AGPAT5: variants seen among roughly 807,000 people sequenced by gnomAD.
The protein encoded by AGPAT5 is 1-acyl-sn-glycerol-3-phosphate acyltransferase epsilon.
AGPAT5 carries 46 observed loss-of-function variants against 45.6 expected under a neutral mutation model. The ratio of observed to expected loss-of-function variants is 1.01; its 90% CI spans 0.80 to 1.29. AGPAT5 has a LOEUF of 1.29. Among genes scored for constraint, AGPAT5 ranks in the 50% most tolerant of loss-of-function variants. The pLI is 0.00. For synonymous variants in AGPAT5, 272 were observed against 167.0 expected (o/e 1.63, Z -4.85); for missense variants, 673 against 450.7 (o/e 1.49, Z -4.47).
At chr8:6,745,610 C>T (rs1369738460) in intron 5 of AGPAT5, 1 of 152,030 alleles carries the variant, frequency 6.6e-6, no homozygotes, top group East Asian at 1.9e-4. Context: ...AGATAAATAT[C>T]ACCTCCTCTT....
Position 6,730,315 on chromosome 8 carries a change from G to T in AGPAT5, c.290-396G>T, listed in dbSNP as rs1587023603. On this transcript the variant is annotated intron_variant, in intron 2 of 7. Transcript: ENST00000285518. Reference sequence around the variant, plus strand: ...AGAAATTTTAAACATCCTAATCATAGGACTTTTTTTTTTTTTTTTTTTTTT... The same window carrying T: ...AGAAATTTTAAACATCCTAATCATATGACTTTTTTTTTTTTTTTTTTTTTT... Among the ~76,000 whole-genome samples, 6 of 46,680 alleles carry T rather than the reference G, an allele frequency of 1.3e-4. 2 individuals carry two copies. The highest frequency in any genetic ancestry group is 2.0e-4 in the Non-Finnish European group (6 of 30,760). 30.6% of individuals were successfully genotyped at this position (46,680 alleles called of 152,430 possible).
intron 5 of AGPAT5, chr8:6,746,019 C>G (rs1262609799): frequency 6.6e-6 from 1 of 151,138 alleles, no homozygotes; most frequent in Admixed American, 6.6e-5. Flanking sequence ...TTCTTCCTTC[C>G]CTCACTCGTT....
At position 6,724,869 on chromosome 8, in the gene AGPAT5, G is replaced by T; in HGVS notation, c.220-1G>T. On this transcript the variant is annotated splice_acceptor_variant, in intron 1 of 7. Coordinates refer to ENST00000285518, the MANE Select transcript of AGPAT5 (RefSeq NM_018361.5). LOFTEE classifies it high-confidence loss of function. ...TAATGTTTTTTTGTTTTATCTTTTA[G>T]ATATTGCTATATGGAGATTTGCCAA... 1 of 962,444 alleles carries T rather than the reference G, an allele frequency of 1.0e-6. No individual in the cohort carries two copies. Among genetic ancestry groups the T allele is most frequent in the South Asian group, 2.9e-5 (1 of 34,274 alleles). The allele number at this position is 962,444 out of a possible 1,614,324, so 59.6% of individuals were successfully genotyped here.
At position 6,760,762 on chromosome 8, in the gene AGPAT5, C is replaced by T. The variant is rs1028633720; in HGVS notation, c.*3374C>T. 2.0e-5 allele frequency among the ~76,000 whole-genome samples: 3 copies of T among 152,098 alleles called. No individual in the cohort carries two copies. Among genetic ancestry groups the T allele is most frequent in the East Asian group, 1.9e-4 (1 of 5,198 alleles). ...TTTTTGATTAAAGAACTTGAAATTA[C>T]GTTATCACTTAGTATAATTGACATT... is the stretch of plus-strand genomic sequence containing the variant. On this transcript the variant is annotated 3_prime_UTR_variant, in exon 8 of 8. Transcript: ENST00000285518.
At chr8:6,750,462 C>A (rs1801622325) in intron 6 of AGPAT5, among the ~76,000 whole-genome samples, 1 of 152,200 alleles carries the variant, frequency 6.6e-6, no homozygotes, top group African/African-American at 2.4e-5. Flanking sequence ...AAAATCTTAT[C>A]ACTTCAGTCA....
In AGPAT5 at chr8:6,758,746, C is replaced by G. The variant is rs1241297170; in HGVS notation, c.*1358C>G. ...ATTTTTAGCCATGGAACAATATATCCCATGGGAGAAGACCTTTCAGTGTGA... is the reference window on the plus strand; with the variant it reads ...ATTTTTAGCCATGGAACAATATATCGCATGGGAGAAGACCTTTCAGTGTGA... On this transcript the variant is annotated 3_prime_UTR_variant, in exon 8 of 8. Transcript: ENST00000285518. 6.6e-6 allele frequency: 1 copy of G among 152,602 alleles called. No individual in the cohort carries two copies. Among genetic ancestry groups the G allele is most frequent in the Non-Finnish European group, 1.5e-5 (1 of 68,040 alleles). 9.5% of individuals were successfully genotyped at this position (152,602 alleles called of 1,614,324 possible).
chr8:6,760,060 A>G lies in AGPAT5; in HGVS notation c.*2672A>G, dbSNP rs1801980576. Among the ~76,000 whole-genome samples, 1 of 152,118 alleles carries G rather than the reference A, an allele frequency of 6.6e-6. No homozygotes were observed. The highest frequency in any genetic ancestry group is 2.1e-4 in the South Asian group (1 of 4,818). On this transcript the variant is annotated 3_prime_UTR_variant, in exon 8 of 8. Coordinates refer to ENST00000285518, the MANE Select transcript of AGPAT5 (RefSeq NM_018361.5). ...ATTTTTAAAATTTAGAGTGGCAACA[A>G]TTTTGCTTAATATGGGTTACATAAG...
Position 6,732,767 on chromosome 8 carries a change from C to T in AGPAT5, c.495+117C>T, listed in dbSNP as rs887919045. 42 of 925,970 alleles carry T rather than the reference C, an allele frequency of 4.5e-5. No homozygotes were observed. The African/African-American group carries it at 6.3e-4, about 14-fold the overall frequency. The allele number at this position is 925,970 out of a possible 1,614,324, so 57.4% of individuals were successfully genotyped here. On this transcript the variant is annotated intron_variant, in intron 4 of 7. Transcript: ENST00000285518. ...ATTTTCCCATGTGTAATTACTAATT[C>T]AGGGTTATGCTGAGGTAACAGAAAC...
rs147030696 is a variant in AGPAT5 at position 6,760,651 on chromosome 8, G to A, written c.*3263G>A. Among the ~76,000 whole-genome samples the A allele has an allele frequency of 2.2e-4, 33 of 152,294 alleles. No homozygotes were observed. The highest frequency in any genetic ancestry group is 7.7e-4 in the African/African-American group (32 of 41,562). On this transcript the variant is annotated 3_prime_UTR_variant, in exon 8 of 8. Coordinates refer to ENST00000285518, the MANE Select transcript of AGPAT5 (RefSeq NM_018361.5). Reference sequence around the variant, plus strand: ...ATCTGGTGGAAAGCTACAATGCAATGTCGTTGTAGTTTTGCATGGCTTGCT... The same window carrying A: ...ATCTGGTGGAAAGCTACAATGCAATATCGTTGTAGTTTTGCATGGCTTGCT...
chr8:6,756,023 G>C (rs982191490), intron 7 of AGPAT5, among the ~76,000 whole-genome samples: 20 of 152,152 alleles, frequency 1.3e-4, no homozygotes, highest in African/African-American at 4.8e-4. Flanking sequence ...TATTTTATAA[G>C]TATTTAGAAT....
intron 2 of AGPAT5, among the ~76,000 whole-genome samples, chr8:6,727,259 T>A (rs1217014954): frequency 6.6e-6 from 1 of 152,224 alleles, no homozygotes; most frequent in African/African-American, 2.4e-5. Flanking sequence ...TTGTTTTCGC[T>A]TGACACATCC....
intron 4 of AGPAT5, among the ~76,000 whole-genome samples, chr8:6,735,111 GCTGTAAGT>G (rs1426061288): frequency 6.6e-6 from 1 of 152,084 alleles, no homozygotes; most frequent in Non-Finnish European, 1.5e-5. Context: ...CTTGCTTCTG[GCTGTAAGT>G]CTGTGCCCAG....
chr8:6,752,341 A>C (rs550734144), intron 6 of AGPAT5, among the ~76,000 whole-genome samples: 2 of 152,124 alleles, frequency 1.3e-5, no homozygotes, highest in African/African-American at 4.8e-5. Flanking sequence ...TATGTTGGAG[A>C]GAGTATGTGC....
chr8:6,713,855 C>A (rs775803185), intron 1 of AGPAT5, among the ~76,000 whole-genome samples: 2 of 152,182 alleles, frequency 1.3e-5, no homozygotes, highest in African/African-American at 2.4e-5. Context: ...TTAACTGAAA[C>A]ATTGTTCCAA....
Position 6,731,382 on chromosome 8 carries a change from C to T in AGPAT5, c.405+556C>T, listed in dbSNP as rs1325791952. Among the ~76,000 whole-genome samples, 5 of 152,120 alleles carry T rather than the reference C, an allele frequency of 3.3e-5. No individual in the cohort carries two copies. The East Asian group carries it at 9.6e-4, about 29-fold the overall frequency. ...ATACCAAAATCTAAGGTGTTCAAGA[C>T]CCTCATATAGAATGGGATAGTATTT... is the stretch of plus-strand genomic sequence containing the variant. On this transcript the variant is annotated intron_variant, in intron 3 of 7. Coordinates refer to ENST00000285518, the MANE Select transcript of AGPAT5 (RefSeq NM_018361.5).
At chr8:6,723,631 A>C (rs972561587) in intron 1 of AGPAT5, among the ~76,000 whole-genome samples, 1 of 152,242 alleles carries the variant, frequency 6.6e-6, no homozygotes, top group African/African-American at 2.4e-5. Flanking sequence ...TTAACTCTGA[A>C]CAGATCAAGC....
chr8:6,753,605 G>C (rs1441823455), intron 6 of AGPAT5, among the ~76,000 whole-genome samples: 1 of 152,122 alleles, frequency 6.6e-6, no homozygotes, highest in Non-Finnish European at 1.5e-5. Flanking sequence ...GCACAGAGAG[G>C]CGGACAGTTG....
intron 2 of AGPAT5, among the ~76,000 whole-genome samples, chr8:6,725,802 C>T (rs1800666356): frequency 6.6e-6 from 1 of 152,136 alleles, no homozygotes; most frequent in African/African-American, 2.4e-5. Context: ...CAATATAGTA[C>T]TCTTAAGCTA....
chr8:6,719,346 C>A (rs763380956), intron 1 of AGPAT5, among the ~76,000 whole-genome samples: 5 of 152,152 alleles, frequency 3.3e-5, no homozygotes, highest in Non-Finnish European at 5.9e-5. Context: ...CTTGCAGGAT[C>A]CTCAAGTAAG....
Sources: allele counts gnomAD v4.1 joint callset (sites outside exome capture counted in the v4.1 genomes callset), GRCh38; gene constraint gnomAD v4.1.1; transcripts MANE v1.5; gene names NCBI Gene and HGNC (gene_info 2026-07-23, HGNC 2026-07-21).